The following NAALADL2 variants were observed in gnomAD, a reference collection of about 807,000 sequenced individuals.
NAALADL2 encodes the protein N-acetylated alpha-linked acidic dipeptidase like 2.
Under a neutral mutation model 87.2 loss-of-function variants are expected in NAALADL2, and 76 were observed. The ratio of observed to expected loss-of-function variants is 0.87; its 90% confidence interval spans 0.72 to 1.05. The LOEUF (loss-of-function observed/expected upper bound fraction) is 1.05. Ranked by LOEUF, NAALADL2 falls within the 50% of genes least tolerant of loss-of-function variation. The pLI is 0.00. For missense variants in NAALADL2, 1,089 were observed against 945.8 expected (o/e 1.15, Z -1.99); for synonymous variants, 354 against 331.0 (o/e 1.07, Z -0.75).
At chr3:174,771,285 G>C (rs2109108616) in intron 3 of NAALADL2, among the ~76,000 whole-genome samples, 1 of 152,240 alleles carries the variant, frequency 6.6e-6, no homozygotes, top group East Asian at 1.9e-4. Context: ...AGTATAATAA[G>C]AGCACCTCCA....
chr3:175,397,636 A>G (rs1021008816), intron 5 of NAALADL2, among the ~76,000 whole-genome samples: 1 of 152,134 alleles, frequency 6.6e-6, no homozygotes, highest in Admixed American at 6.6e-5. Flanking sequence ...CAACATTAAA[A>G]CATGAAGCGA....
At chr3:174,982,821 G>C (rs150961495) in intron 1 of NAALADL2, among the ~76,000 whole-genome samples, 2 of 150,742 alleles carry the variant, frequency 1.3e-5, no homozygotes, top group Non-Finnish European at 2.9e-5. Flanking sequence ...TTTTTGAGAC[G>C]GAGTCTCGCT....
intron 11 of NAALADL2, among the ~76,000 whole-genome samples, chr3:175,630,089 C>T (rs567186773): frequency 2.0e-5 from 3 of 151,788 alleles, no homozygotes; most frequent in East Asian, 3.9e-4. Context: ...ATCATCATGT[C>T]TACTTGCACT....
At chr3:174,799,355 A>G (rs960155425) in intron 3 of NAALADL2, among the ~76,000 whole-genome samples, 1 of 151,826 alleles carries the variant, frequency 6.6e-6, no homozygotes, top group African/African-American at 2.4e-5. Flanking sequence ...TATGGGAGGG[A>G]CTTGGTGGGA....
rs553916917 is a variant in NAALADL2, at chr3:175,175,268, T to C, written c.546-58663T>C. On this transcript the variant is annotated intron_variant, in intron 2 of 13. Coordinates refer to ENST00000454872, the MANE Select transcript of NAALADL2 (RefSeq NM_207015.3). The stretch of plus-strand genomic sequence containing the variant: ...GGAAGAGAAAACTTTTTAACATCAT[T>C]TTGCCTTTTATTTTATTAGCCATAG... Among the ~76,000 whole-genome samples, 25 of 152,136 alleles carry C rather than the reference T, an allele frequency of 1.6e-4. No individual in the cohort carries two copies. In the South Asian group the frequency reaches 4.3e-3, roughly 26 times the overall value.
At chr3:175,039,199 T>C (rs1426323553) in intron 1 of NAALADL2, among the ~76,000 whole-genome samples, 2 of 152,188 alleles carry the variant, frequency 1.3e-5, no homozygotes, top group African/African-American at 4.8e-5. Context: ...GGAGTTTTGC[T>C]CTTGTAGCCC....
intron 2 of NAALADL2, among the ~76,000 whole-genome samples, chr3:174,697,584 G>A (rs1377765991): frequency 6.6e-6 from 1 of 152,130 alleles, no homozygotes; most frequent in African/African-American, 2.4e-5. Flanking sequence ...GATTGATATA[G>A]AAGGGAAATT....
intron 2 of NAALADL2, among the ~76,000 whole-genome samples, chr3:174,660,519 C>T (rs1376782438): frequency 6.6e-6 from 1 of 151,996 alleles, no homozygotes; most frequent in Non-Finnish European, 1.5e-5. Context: ...GATTTTGAAC[C>T]TCACTTTTGA....
intron 2 of NAALADL2, among the ~76,000 whole-genome samples, chr3:175,185,786 A>C (rs1445213679): frequency 6.6e-6 from 1 of 150,954 alleles, no homozygotes; most frequent in Non-Finnish European, 1.5e-5. Context: ...TATATCTAAA[A>C]TATTTAATAA....
At position 175,808,051 on chromosome 3, in the gene NAALADL2, GATCT is replaced by G. The variant is rs998681798; in HGVS notation, c.*4852_*4855del. 4.6e-5 allele frequency: 7 copies of G among 151,852 alleles called. No individual in the cohort carries two copies. The highest frequency in any genetic ancestry group is 2.1e-4 in the South Asian group (1 of 4,820). 9.4% of individuals were successfully genotyped at this position (151,852 alleles called of 1,614,324 possible). A position where few individuals can be genotyped will look rare whatever the true frequency, so the allele number is the denominator to read the frequency against. On this transcript the variant is annotated 3_prime_UTR_variant, in exon 14 of 14. Coordinates refer to ENST00000454872, the MANE Select transcript of NAALADL2 (RefSeq NM_207015.3). ...TTTTCCCCCTGAGAAGTAATTTTAAGATCTATCAGTCTCAATTTAAATGATCTGT... is the reference window on the plus strand; with the variant it reads ...TTTTCCCCCTGAGAAGTAATTTTAAGATCAGTCTCAATTTAAATGATCTGT...
At chr3:174,754,494 A>G (rs1344162754) in intron 3 of NAALADL2, among the ~76,000 whole-genome samples, 1 of 148,950 alleles carries the variant, frequency 6.7e-6, no homozygotes, top group East Asian at 2.0e-4. Context: ...TTTTAAAGAA[A>G]CAAGGTCTTA....
intron 1 of NAALADL2, among the ~76,000 whole-genome samples, chr3:174,463,827 C>T (rs1164483659): frequency 6.6e-6 from 1 of 152,004 alleles, no homozygotes; most frequent in East Asian, 1.9e-4. Context: ...GTCTTGATCT[C>T]GACCTTGTGA....
At chr3:175,054,427 G>A (rs1225719175) in intron 1 of NAALADL2, among the ~76,000 whole-genome samples, 2 of 152,206 alleles carry the variant, frequency 1.3e-5, no homozygotes, top group Non-Finnish European at 2.9e-5. Context: ...TGGCTGTAAT[G>A]CTCCCGTGGG....
At chr3:175,141,060 A>G (rs1425144915) in intron 2 of NAALADL2, among the ~76,000 whole-genome samples, 1 of 152,152 alleles carries the variant, frequency 6.6e-6, no homozygotes, top group East Asian at 1.9e-4. Flanking sequence ...GAGTCCGTAA[A>G]CATGTAATAT....
chr3:175,482,662 CTA>C (rs1726659523), intron 9 of NAALADL2, among the ~76,000 whole-genome samples: 1 of 151,834 alleles, frequency 6.6e-6, no homozygotes, highest in African/African-American at 2.4e-5. Context: ...TAATTCATGT[CTA>C]TGTTTTCTCT....
chr3:175,083,212 C>T (rs1290963084), intron 1 of NAALADL2, among the ~76,000 whole-genome samples: 2 of 152,174 alleles, frequency 1.3e-5, no homozygotes, highest in Non-Finnish European at 2.9e-5. Context: ...CCTGTTCCCC[C>T]GGAAACAACC....
intron 1 of NAALADL2, among the ~76,000 whole-genome samples, chr3:174,533,931 T>C (rs184871937): frequency 1.3e-5 from 2 of 152,282 alleles, no homozygotes; most frequent in Non-Finnish European, 2.9e-5. Flanking sequence ...ACAAGATTAT[T>C]AGGAAGTCAT....
At chr3:174,441,336 C>T (rs1714599423) in intron 1 of NAALADL2, among the ~76,000 whole-genome samples, 1 of 152,182 alleles carries the variant, frequency 6.6e-6, no homozygotes. Flanking sequence ...CGCTCCAAGG[C>T]CCCCGCCCAC....
At chr3:175,512,978 A>C (rs541002078) in intron 9 of NAALADL2, among the ~76,000 whole-genome samples, 3 of 152,292 alleles carry the variant, frequency 2.0e-5, no homozygotes, top group South Asian at 4.1e-4. Flanking sequence ...GAGTGAAAAA[A>C]ACATATTCAG....
Sources: gnomAD v4.1 joint callset for allele counts (sites outside exome capture counted in the v4.1 genomes callset) on GRCh38, gnomAD v4.1.1 for gene constraint, MANE v1.5 for transcripts, NCBI Gene and HGNC (gene_info 2026-07-23, HGNC 2026-07-21) for gene names.